Variants in PCDH15 observed in about 807,000 individuals in gnomAD.
The protein encoded by PCDH15 is protocadherin-15.
A neutral mutation model predicts 178.5 loss-of-function variants in PCDH15; 129 were observed. The ratio of observed to expected loss-of-function variants is 0.72; its 90% CI spans 0.63 to 0.84. The LOEUF (loss-of-function observed/expected upper bound fraction) is 0.84, where lower values mean the gene tolerates loss of function less well. Among genes scored for constraint, PCDH15 ranks in the 40% least tolerant of loss-of-function variants. PCDH15 has a pLI of 0.00. For synonymous variants in PCDH15, 800 were observed against 732.0 expected, an observed-to-expected ratio of 1.09 and a Z score of -1.50; for missense variants, 2,230 against 2,099.9, an observed-to-expected ratio of 1.06 and a Z score of -1.21.
intron 2 of PCDH15, among the ~76,000 whole-genome samples, chr10:55,101,366 G>A (rs1447582938): frequency 6.6e-6 from 1 of 151,436 alleles, no homozygotes; most frequent in Non-Finnish European, 1.5e-5. Flanking sequence ...TCCAGCCTGG[G>A]TGACAGAGCA....
At chr10:54,887,187 A>G (rs1288662547) in intron 3 of PCDH15, among the ~76,000 whole-genome samples, 1 of 152,170 alleles carries the variant, frequency 6.6e-6, no homozygotes, top group African/African-American at 2.4e-5. Flanking sequence ...ATTCTGTTGA[A>G]ACATCTAAAA....
intron 21 of PCDH15, among the ~76,000 whole-genome samples, chr10:53,983,282 C>T (rs541287282): frequency 2.7e-5 from 4 of 149,522 alleles, no homozygotes; most frequent in Admixed American, 2.0e-4. Flanking sequence ...TATATATATA[C>T]GTTTTGCAGG....
At chr10:55,398,711 C>T (rs887245806) in intron 2 of PCDH15, among the ~76,000 whole-genome samples, 1 of 152,116 alleles carries the variant, frequency 6.6e-6, no homozygotes, top group Non-Finnish European at 1.5e-5. Context: ...GCTTGGCTCA[C>T]TTAATTGTTT....
intron 3 of PCDH15, among the ~76,000 whole-genome samples, chr10:54,401,562 T>C (rs1224768544): frequency 6.6e-6 from 1 of 151,792 alleles, no homozygotes; most frequent in Non-Finnish European, 1.5e-5. Context: ...CCGAAGATTA[T>C]ATTCAATGAC....
intron 2 of PCDH15, among the ~76,000 whole-genome samples, chr10:55,447,270 A>G (rs984779201): frequency 6.6e-6 from 1 of 152,086 alleles, no homozygotes; most frequent in Non-Finnish European, 1.5e-5. Context: ...AGTATCTATG[A>G]GACAACTGTA....
chr10:54,135,150 C>T (rs955692457), intron 14 of PCDH15, among the ~76,000 whole-genome samples: 16 of 151,278 alleles, frequency 1.1e-4, no homozygotes, highest in Non-Finnish European at 1.3e-4. Flanking sequence ...TTGTAGTGAC[C>T]CGAGATCGTG....
chr10:55,349,290 G>C (rs1227988457), intron 2 of PCDH15, among the ~76,000 whole-genome samples: 2 of 152,124 alleles, frequency 1.3e-5, no homozygotes, highest in East Asian at 3.9e-4. Flanking sequence ...GCACTGGGCT[G>C]TTTGAAAGTA....
chr10:54,418,471 C>T (rs899904064), intron 3 of PCDH15, among the ~76,000 whole-genome samples: 8 of 151,908 alleles, frequency 5.3e-5, no homozygotes, highest in East Asian at 1.9e-4. Flanking sequence ...ACTGTTCATC[C>T]AGCCTTCATT....
At position 54,015,515 on chromosome 10, in the gene PCDH15, G is replaced by A. The variant is rs192002178; in HGVS notation, c.2751+4677C>T. 5.2e-4 allele frequency among the ~76,000 whole-genome samples: 79 copies of A among 152,088 alleles called. 2 individuals carry two copies. The South Asian group carries it at 0.014, about 27-fold the overall frequency. ...ACTTCAAACTATACTACAATGCTAC[G>A]GTAACCAAAACGGCATTGTCCTGGT... On this transcript the variant is annotated intron_variant, in intron 20 of 37. Coordinates refer to ENST00000644397, the MANE Select transcript of PCDH15 (RefSeq NM_001384140.1).
intron 1 of PCDH15, among the ~76,000 whole-genome samples, chr10:55,254,397 CA>C (rs1841931738): frequency 6.6e-6 from 1 of 152,080 alleles, no homozygotes; most frequent in African/African-American, 2.4e-5. Flanking sequence ...ACCAAAGTTT[CA>C]ATTACAGCAG....
chr10:54,211,177 A>G (rs2051384876), intron 10 of PCDH15, among the ~76,000 whole-genome samples: 2 of 152,116 alleles, frequency 1.3e-5, no homozygotes, highest in South Asian at 4.1e-4. Context: ...TCATATTTTT[A>G]CATCACAGGT....
chr10:55,296,795 T>C (rs939482522), intron 1 of PCDH15, among the ~76,000 whole-genome samples: 1 of 152,136 alleles, frequency 6.6e-6, no homozygotes. Flanking sequence ...ACAAACACAT[T>C]GTCACATCAC....
At chr10:54,857,546 A>G (rs1244167804) in intron 3 of PCDH15, among the ~76,000 whole-genome samples, 1 of 152,150 alleles carries the variant, frequency 6.6e-6, no homozygotes, top group Non-Finnish European at 1.5e-5. Context: ...TCCTGGGAAA[A>G]AGAGATTCTG....
chr10:54,895,539 C>T (rs1383012243), intron 3 of PCDH15, among the ~76,000 whole-genome samples: 1 of 152,098 alleles, frequency 6.6e-6, no homozygotes, highest in East Asian at 1.9e-4. Context: ...GAGGATTTTG[C>T]CCCCTTTGCA....
At chr10:54,098,171 C>G (rs942361987) in intron 15 of PCDH15, among the ~76,000 whole-genome samples, 5 of 149,772 alleles carry the variant, frequency 3.3e-5, no homozygotes, top group Non-Finnish European at 7.4e-5. Context: ...TGCTTCCAAA[C>G]TTGACAGAGA....
intron 3 of PCDH15, among the ~76,000 whole-genome samples, chr10:54,388,280 A>G (rs775407570): frequency 6.6e-6 from 1 of 152,222 alleles, no homozygotes; most frequent in African/African-American, 2.4e-5. Flanking sequence ...TAGTCAGAAC[A>G]ATAGTTGAGT....
intron 3 of PCDH15, among the ~76,000 whole-genome samples, chr10:54,879,339 C>A (rs559307590): frequency 2.6e-5 from 4 of 152,164 alleles, no homozygotes; most frequent in Admixed American, 2.6e-4. Flanking sequence ...AGGCATTTTA[C>A]TTGTAATATC....
In PCDH15 at chr10:54,247,238, T is replaced by C. The variant is rs147893484; in HGVS notation, c.877-10307A>G. ...GAAGTATAGACAATAATTTTCCTTA[T>C]CTATTTCCATAGATAAAATATTGCA... On this transcript the variant is annotated intron_variant, in intron 8 of 37. Transcript: ENST00000644397. Among the ~76,000 whole-genome samples, 5 of 152,072 alleles carry C rather than the reference T, an allele frequency of 3.3e-5. No homozygotes were observed. In the East Asian group the frequency reaches 9.7e-4, roughly 29 times the overall value.
chr10:54,944,162 T>G (rs1838131912), intron 2 of PCDH15, among the ~76,000 whole-genome samples: 1 of 151,948 alleles, frequency 6.6e-6, no homozygotes, highest in Non-Finnish European at 1.5e-5. Flanking sequence ...TTTTTTAGAA[T>G]TCCCCATGAC....
Sources: allele counts gnomAD v4.1 joint callset (sites outside exome capture counted in the v4.1 genomes callset), GRCh38; gene constraint gnomAD v4.1.1; transcripts MANE v1.5; gene names NCBI Gene and HGNC (gene_info 2026-07-23, HGNC 2026-07-21).